The following ZNF462 variants were observed in gnomAD, a reference collection of about 807,000 sequenced individuals.
ZNF462 encodes the protein zinc finger protein 462.
ZNF462 carries 10 observed loss-of-function variants against 201.9 expected under a neutral mutation model. The observed-to-expected ratio is 0.05, with a 90% CI of 0.03 to 0.08. ZNF462 has a LOEUF of 0.08. ZNF462 is among the 10% of genes least tolerant of loss of function. The pLI is 1.00. For synonymous variants in ZNF462, 1,227 were observed against 1,193.3 expected (o/e 1.03, Z -0.58); for missense variants, 2,523 against 3,168.3 (o/e 0.80, Z 4.89).
At chr9:106,967,200 C>G (rs1005349491) in intron 7 of ZNF462, among the ~76,000 whole-genome samples, 2 of 152,096 alleles carry the variant, frequency 1.3e-5, no homozygotes, top group African/African-American at 4.8e-5. Flanking sequence ...CATAAGTCAA[C>G]TGCTCAACTG....
chr9:106,922,810 A>G (rs1830040127), intron 1 of ZNF462, among the ~76,000 whole-genome samples: 1 of 152,238 alleles, frequency 6.6e-6, no homozygotes, highest in Non-Finnish European at 1.5e-5. Flanking sequence ...TATTAAAGTA[A>G]GAAAAGCTAC....
At chr9:106,960,868 C>T (rs1383810772) in intron 7 of ZNF462, among the ~76,000 whole-genome samples, 3 of 152,084 alleles carry the variant, frequency 2.0e-5, no homozygotes, top group Non-Finnish European at 4.4e-5. Context: ...CATTGGTTAC[C>T]TGGGCAACAT....
rs546790628 is a variant in ZNF462 at position 106,948,188 on chromosome 9, C to G, written c.6427+9081C>G. Among the ~76,000 whole-genome samples, 55 of 152,060 alleles carry G rather than the reference C, an allele frequency of 3.6e-4. No homozygotes were observed. In the South Asian group the frequency reaches 0.011, roughly 31 times the overall value. On this transcript the variant is annotated intron_variant, in intron 7 of 12. Coordinates refer to ENST00000277225, the MANE Select transcript of ZNF462 (RefSeq NM_021224.6). ...CTGCAAAAATCCAGTGTGGCTGGAGCAAAGGATGTGTGGTGAGGTTAGTGG... is the reference window on the plus strand; with the variant it reads ...CTGCAAAAATCCAGTGTGGCTGGAGGAAAGGATGTGTGGTGAGGTTAGTGG...
At position 106,927,011 on chromosome 9, in the gene ZNF462, T is replaced by A. The variant is rs1361966687; in HGVS notation, c.3099T>A (p.Asp1033Glu). Residue 1033 changes from aspartate (D) to glutamate (E), a missense_variant, in exon 3 of 13, where the codon GAT (aspartate) becomes GAA (glutamate). By Grantham distance (45) the Asp-to-Glu change is conservative (BLOSUM62 2). Coordinates refer to ENST00000277225, the MANE Select transcript of ZNF462 (RefSeq NM_021224.6). The stretch of plus-strand genomic sequence containing the variant: ...ACACTGTTGTTGTTTATGATTGTGA[T>A]GTTTGTTCGTTTGCAAGCCCCAACA... ...LVNTVVVYDC[D>E]VCSFASPNMH... 1.8e-5 allele frequency: 29 copies of A among 1,614,204 alleles called. No individual in the cohort carries two copies. Among genetic ancestry groups the A allele is most frequent in the Non-Finnish European group, 2.4e-5 (28 of 1,180,036 alleles).
At chr9:106,898,813 A>T (rs1256379794) in intron 1 of ZNF462, among the ~76,000 whole-genome samples, 3 of 152,146 alleles carry the variant, frequency 2.0e-5, no homozygotes, top group African/African-American at 7.2e-5. Flanking sequence ...GCTCCTAAGA[A>T]GGTTGTTGCT....
At chr9:106,957,925 G>A (rs1831654176) in intron 7 of ZNF462, among the ~76,000 whole-genome samples, 1 of 152,102 alleles carries the variant, frequency 6.6e-6, no homozygotes. Flanking sequence ...AGGGAGCAGA[G>A]AAGGTAGCCT....
intron 1 of ZNF462, among the ~76,000 whole-genome samples, chr9:106,868,591 G>A (rs1044115932): frequency 8.5e-5 from 13 of 152,168 alleles, no homozygotes; most frequent in Admixed American, 8.5e-4. Flanking sequence ...TTCCAACTTA[G>A]AAGCTAGTTG....
rs1319645480 is a variant in ZNF462 at position 107,013,227 on chromosome 9, A to C, written c.*2197A>C. On this transcript the variant is annotated 3_prime_UTR_variant, in exon 13 of 13. Transcript: ENST00000277225. ...GATTTTGTTTTGCTAACCTGTTAAT[A>C]AAAATATGGGACCATTATCCTTTTA... 1.3e-5 allele frequency: 2 copies of C among 152,190 alleles called. No individual in the cohort carries two copies. The highest frequency in any genetic ancestry group is 2.9e-5 in the Non-Finnish European group (2 of 68,010). 9.4% of individuals were successfully genotyped at this position (152,190 alleles called of 1,614,324 possible).
chr9:106,909,105 G>A (rs1829435274), intron 1 of ZNF462, among the ~76,000 whole-genome samples: 2 of 150,134 alleles, frequency 1.3e-5, no homozygotes, highest in South Asian at 4.2e-4. Flanking sequence ...TGGGATTATA[G>A]GCACATGCCA....
chr9:106,916,573 G>T (rs147997646), intron 1 of ZNF462, among the ~76,000 whole-genome samples: 13 of 152,282 alleles, frequency 8.5e-5, no homozygotes, highest in South Asian at 2.1e-4. Flanking sequence ...TAGCTCTGGG[G>T]GGGGAGAAAT....
chr9:106,969,178 T>C (rs1832215595), intron 7 of ZNF462, among the ~76,000 whole-genome samples: 2 of 152,176 alleles, frequency 1.3e-5, no homozygotes. Flanking sequence ...TCCTAAATGA[T>C]GGGATTTGCT....
In ZNF462 at chr9:106,872,861, G is replaced by A. The variant is rs868198300; in HGVS notation, c.-31+9506G>A. Among the ~76,000 whole-genome samples the A allele has an allele frequency of 1.1e-4, 17 of 152,178 alleles. No homozygotes were observed. Among genetic ancestry groups the A allele is most frequent in the African/African-American group, 2.7e-4 (11 of 41,506 alleles). The stretch of plus-strand genomic sequence containing the variant: ...ACCTTAAAAAATGCTGTCTTCCCTC[G>A]TGGACTGACTCATAGTTAATACTGG... On this transcript the variant is annotated intron_variant, in intron 1 of 12. Transcript: ENST00000277225. The surrounding 1 kb of genome is among the most constrained non-coding windows in gnomAD (Gnocchi z 4.5).
chr9:106,967,116 A>T (rs1588128938), intron 7 of ZNF462, among the ~76,000 whole-genome samples: 1 of 152,150 alleles, frequency 6.6e-6, no homozygotes, highest in East Asian at 1.9e-4. Context: ...GTTACTGTTC[A>T]TTTGTTCTCT....
chr9:106,980,093 C>A (rs1827307762), intron 9 of ZNF462, among the ~76,000 whole-genome samples: 1 of 152,156 alleles, frequency 6.6e-6, no homozygotes, highest in Non-Finnish European at 1.5e-5. Context: ...CTTTCAACTT[C>A]TCCAAATACC....
intron 1 of ZNF462, among the ~76,000 whole-genome samples, chr9:106,864,039 GCTCTCTCTCTCTCTCTCT>G (rs773917122): frequency 0.013 from 287 of 22,730 alleles, 4 homozygotes; most frequent in Middle Eastern, 0.026. Flanking sequence ...CAGGTATTTG[GCTCTCTCTCTCTCTCTCT>G]CTCTCTCTCT....
chr9:106,908,507 AT>A (rs1232198261), intron 1 of ZNF462, among the ~76,000 whole-genome samples: 2 of 152,072 alleles, frequency 1.3e-5, no homozygotes, highest in Admixed American at 6.5e-5. Context: ...GTTTAATGAT[AT>A]TAGATTTTCA....
In ZNF462 at chr9:106,954,530, C is replaced by CA. The variant is rs1413453622; in HGVS notation, c.6427+15424dup. Among the ~76,000 whole-genome samples the CA allele has an allele frequency of 1.3e-5, 2 of 151,752 alleles. No homozygotes were observed. The highest frequency in any genetic ancestry group is 2.9e-5 in the Non-Finnish European group (2 of 67,926). ...TAAAAGAGGAAAAAAAAAAAAAACT[C>CA]AGTCAATATTCTCCATGTTTATACC... On this transcript the variant is annotated intron_variant, in intron 7 of 12. Coordinates refer to ENST00000277225, the MANE Select transcript of ZNF462 (RefSeq NM_021224.6). The surrounding 1 kb of genome is among the most constrained non-coding windows in gnomAD (Gnocchi z 4.0).
chr9:106,918,243 A>G (rs1829858264), intron 1 of ZNF462, among the ~76,000 whole-genome samples: 1 of 152,184 alleles, frequency 6.6e-6, no homozygotes, highest in African/African-American at 2.4e-5. Flanking sequence ...TTCAGAAAAG[A>G]ACTGATTCTG....
At chr9:106,994,637 T>C (rs944907406) in intron 10 of ZNF462, among the ~76,000 whole-genome samples, 1 of 152,178 alleles carries the variant, frequency 6.6e-6, no homozygotes, top group Non-Finnish European at 1.5e-5. Flanking sequence ...GCAGTTCTGC[T>C]TCTTGGTTTG....
Sources: allele counts gnomAD v4.1 joint callset (sites outside exome capture counted in the v4.1 genomes callset), GRCh38; gene constraint gnomAD v4.1.1; non-coding constraint Gnocchi (gnomAD v3.1); transcripts MANE v1.5; gene names NCBI Gene and HGNC (gene_info 2026-07-23, HGNC 2026-07-21).